The following DCP1A variants were observed in gnomAD, a reference collection of about 807,000 sequenced individuals.
DCP1A encodes mRNA-decapping enzyme 1A.
DCP1A carries 20 observed loss-of-function variants against 58.0 expected under a neutral mutation model. The ratio of observed to expected loss-of-function variants is 0.34; its 90% confidence interval spans 0.24 to 0.50. DCP1A has a LOEUF of 0.50. DCP1A is among the 20% of genes least tolerant of loss of function. The pLI, the probability that DCP1A is intolerant of heterozygous loss-of-function variation, is 0.98. For missense variants in DCP1A, 613 were observed against 712.2 expected (o/e 0.86, Z 1.59); for synonymous variants, 285 against 275.1 (o/e 1.04, Z -0.36).
At chr3:53,290,625 G>A (rs963389905) in intron 8 of DCP1A, 166 bp downstream of exon 8, 10 of 680,022 alleles carry the variant, frequency 1.5e-5, no homozygotes, top group South Asian at 1.2e-4. Context: ...GTGTTCTTCA[G>A]AAAGAGGGAG....
At chr3:53,327,909 A>T (rs186400156) in intron 3 of DCP1A, among the ~76,000 whole-genome samples, 2 of 150,740 alleles carry the variant, frequency 1.3e-5, no homozygotes, top group East Asian at 3.9e-4. Context: ...GATCACCTGA[A>T]GTCAGGAGTT....
rs1707401220 is a variant in DCP1A, at chr3:53,304,292, T to G, written c.511-2A>C. On this transcript the variant is annotated splice_acceptor_variant, in intron 5 of 9. Coordinates refer to ENST00000610213, the MANE Select transcript of DCP1A (RefSeq NM_018403.7). LOFTEE classifies it high-confidence loss of function. ...GATATTTGAGTCACCCATCTGATTC[T>G]TTAAAAAGTTAAAAGAAAAAAATAT... The G allele has an allele frequency of 3.7e-6, 6 of 1,602,320 alleles. No individual in the cohort carries two copies. The highest frequency in any genetic ancestry group is 5.1e-6 in the Non-Finnish European group (6 of 1,174,992).
chr3:53,327,692 G>A (rs1375198689), intron 3 of DCP1A, among the ~76,000 whole-genome samples: 3 of 151,898 alleles, frequency 2.0e-5, no homozygotes, highest in East Asian at 1.9e-4. Context: ...TGGTGAGGCC[G>A]AGGCAGAAGA....
chr3:53,331,019 C>T (rs782480087), intron 3 of DCP1A, among the ~76,000 whole-genome samples: 13 of 151,906 alleles, frequency 8.6e-5, no homozygotes, highest in Non-Finnish European at 1.6e-4. Context: ...CCGCCATGCC[C>T]GGCTAATTTT....
chr3:53,329,682 A>T (rs1437229477), intron 3 of DCP1A, among the ~76,000 whole-genome samples: 2 of 152,240 alleles, frequency 1.3e-5, no homozygotes, highest in Non-Finnish European at 2.9e-5. Flanking sequence ...GGTAAAATAA[A>T]ATTCGGGAAA....
intron 8 of DCP1A, among the ~76,000 whole-genome samples, chr3:53,288,565 T>C (rs1311808938): frequency 6.6e-6 from 1 of 152,140 alleles, no homozygotes; most frequent in Non-Finnish European, 1.5e-5. Flanking sequence ...AGTAACAGTA[T>C]AGAATGCACA....
Position 53,339,493 on chromosome 3 carries a change from T to C in DCP1A, c.304+2651A>G, listed in dbSNP as rs944180283. ...ACAGTGGAGTTAAAGTTATAAAATA[T>C]TGACATTTTAATGCCGACCCCAGGT... On this transcript the variant is annotated intron_variant, in intron 3 of 9. Coordinates refer to ENST00000610213, the MANE Select transcript of DCP1A (RefSeq NM_018403.7). Among the ~76,000 whole-genome samples the C allele has an allele frequency of 2.0e-5, 3 of 152,236 alleles. No homozygotes were observed. The South Asian group carries it at 6.2e-4, about 31-fold the overall frequency.
intron 7 of DCP1A, among the ~76,000 whole-genome samples, chr3:53,291,681 A>G (rs1211319399): frequency 6.6e-6 from 1 of 151,910 alleles, no homozygotes; most frequent in African/African-American, 2.4e-5. Flanking sequence ...GCTTTATTTG[A>G]CCTCATACCT....
At chr3:53,319,869 C>T (rs1349461896) in intron 3 of DCP1A, among the ~76,000 whole-genome samples, 1 of 152,180 alleles carries the variant, frequency 6.6e-6, no homozygotes, top group African/African-American at 2.4e-5. Context: ...GTGGCTCACA[C>T]CTGTAATCCC....
intron 6 of DCP1A, among the ~76,000 whole-genome samples, chr3:53,295,227 G>C (rs1359543186): frequency 6.6e-6 from 1 of 152,126 alleles, no homozygotes; most frequent in Non-Finnish European, 1.5e-5. Context: ...GACAGGGCAG[G>C]TCTGAAAAAA....
chr3:53,303,316 G>C (rs1707369656), intron 6 of DCP1A, among the ~76,000 whole-genome samples: 1 of 152,114 alleles, frequency 6.6e-6, no homozygotes, highest in Admixed American at 6.5e-5. Context: ...GCTCAGACTG[G>C]AGTGCACTGG....
intron 3 of DCP1A, among the ~76,000 whole-genome samples, chr3:53,327,519 G>A (rs1315430495): frequency 6.6e-6 from 1 of 152,248 alleles, no homozygotes; most frequent in Non-Finnish European, 1.5e-5. Context: ...GCCGGGTGCG[G>A]TGGCTCACGC....
rs781827654 is a variant in DCP1A at position 53,292,464 on chromosome 3, G to C, written c.988C>G (p.Gln330Glu). 1 of 1,613,930 alleles carries C rather than the reference G, an allele frequency of 6.2e-7. No individual in the cohort carries two copies. Among genetic ancestry groups the C allele is most frequent in the East Asian group, 2.2e-5 (1 of 44,892 alleles). ...TTTCGAGGTAAGCTGGGGGGAACCT[G>C]TGCAGTAGGAGCTTCAGCTGGCAGA... ...PTLPAEAPTAQVPPSLPRNST... is the reference protein window; with the variant it reads ...PTLPAEAPTAEVPPSLPRNST... The change falls in exon 7 of 10, where the codon CAG becomes GAG. Residue 330 changes from glutamine (Q) to glutamate (E), a missense_variant. This residue lies in a region of DCP1A where 498 missense variants were observed against 556.7 expected (regional missense o/e 0.89). Transcript: ENST00000610213.
In DCP1A at chr3:53,338,753, C is replaced by A. The variant is rs543352147; in HGVS notation, c.304+3391G>T. ...GTGGGCGCCTGTAGTCCCAGCTACT[C>A]GGGAGGCTGAGGCAGGAGAATGGCG... is the stretch of plus-strand genomic sequence containing the variant. On this transcript the variant is annotated intron_variant, in intron 3 of 9. Coordinates refer to ENST00000610213, the MANE Select transcript of DCP1A (RefSeq NM_018403.7). Among the ~76,000 whole-genome samples the A allele has an allele frequency of 2.0e-5, 3 of 149,986 alleles. No individual in the cohort carries two copies. The Admixed American group carries it at 2.0e-4, about 10-fold the overall frequency.
In DCP1A at chr3:53,315,303, G is replaced by T. The variant is rs528891593; in HGVS notation, c.372-2924C>A. Among the ~76,000 whole-genome samples, 7 of 152,194 alleles carry T rather than the reference G, an allele frequency of 4.6e-5. No individual in the cohort carries two copies. The South Asian group carries it at 1.5e-3, about 32-fold the overall frequency. On this transcript the variant is annotated intron_variant, in intron 4 of 9. Transcript: ENST00000610213. The stretch of plus-strand genomic sequence containing the variant: ...GCCTGTAATCCCAGCACTTTGGGAG[G>T]CCAAGGTGGGTGGATCATGAGGTCA...
chr3:53,335,948 C>T (rs1553691856), intron 3 of DCP1A, among the ~76,000 whole-genome samples: 1 of 147,874 alleles, frequency 6.8e-6, no homozygotes, highest in African/African-American at 2.5e-5. Context: ...CCTCAGCCTC[C>T]CAGGTCCACC....
chr3:53,298,788 A>C (rs1356872483), intron 6 of DCP1A, among the ~76,000 whole-genome samples: 1 of 152,204 alleles, frequency 6.6e-6, no homozygotes, highest in Non-Finnish European at 1.5e-5. Context: ...AAATACTATC[A>C]TTTGGCACAA....
intron 6 of DCP1A, among the ~76,000 whole-genome samples, chr3:53,302,981 C>A (rs1707358589): frequency 1.3e-5 from 2 of 151,954 alleles, no homozygotes; most frequent in South Asian, 4.2e-4. Context: ...CAGGGCCTTG[C>A]TCTGCTACCC....
intron 6 of DCP1A, among the ~76,000 whole-genome samples, chr3:53,295,262 G>C (rs1553686653): frequency 6.6e-6 from 1 of 152,172 alleles, no homozygotes; most frequent in African/African-American, 2.4e-5. Flanking sequence ...AGTAACTGTT[G>C]TGGAGGAAGA....
Sources: gnomAD v4.1 joint callset for allele counts (sites outside exome capture counted in the v4.1 genomes callset) on GRCh38, gnomAD v4.1.1 for gene constraint, gnomAD v4.1.1 regional missense constraint, MANE v1.5 for transcripts, NCBI Gene and HGNC (gene_info 2026-07-23, HGNC 2026-07-21) for gene names.